The following FIG4 variants were observed in gnomAD, a reference collection of about 807,000 sequenced individuals.
The protein encoded by FIG4 is FIG4 phosphoinositide 5-phosphatase.
A neutral mutation model predicts 118.6 loss-of-function variants in FIG4; 112 were observed. The observed-to-expected ratio is 0.94, with a 90% confidence interval of 0.81 to 1.11. FIG4 has a LOEUF of 1.11. FIG4 is among the 50% of genes least tolerant of loss of function. The pLI is 0.00. For missense variants in FIG4, 969 were observed against 1,111.7 expected (o/e 0.87, Z 1.83); for synonymous variants, 369 against 381.2 (o/e 0.97, Z 0.37).
intron 1 of FIG4, among the ~76,000 whole-genome samples, chr6:109,694,973 A>G (rs555113360): frequency 3.0e-4 from 45 of 152,320 alleles, no homozygotes; most frequent in African/African-American, 1.0e-3. Flanking sequence ...GGGAATTCTT[A>G]TATAGTATTG....
At chr6:109,749,265 T>G (rs1252976205) in intron 10 of FIG4, among the ~76,000 whole-genome samples, 1 of 152,108 alleles carries the variant, frequency 6.6e-6, no homozygotes, top group Non-Finnish European at 1.5e-5. Context: ...TATTAAATAA[T>G]CATTTTTCTA....
chr6:109,763,890 T>C (rs369022117), intron 12 of FIG4, 47 bp from the exon 13 acceptor site: 83 of 1,216,278 alleles, frequency 6.8e-5, no homozygotes, highest in Non-Finnish European at 9.7e-5. Flanking sequence ...AAAATAAATA[T>C]GTATTCTGCC....
intron 1 of FIG4, among the ~76,000 whole-genome samples, chr6:109,693,071 T>C (rs980280782): frequency 6.6e-6 from 1 of 152,154 alleles, no homozygotes; most frequent in Non-Finnish European, 1.5e-5. Flanking sequence ...GCACAATTCA[T>C]ATTATAGGGC....
chr6:109,790,502 A>G (rs1778107378), intron 19 of FIG4, among the ~76,000 whole-genome samples: 1 of 152,238 alleles, frequency 6.6e-6, no homozygotes, highest in Non-Finnish European at 1.5e-5. Context: ...GACCAGCTAT[A>G]TTAGTGTGTG....
At chr6:109,716,593 C>T (rs996266373) in intron 3 of FIG4, 25 bp downstream of exon 3, 9 of 1,612,784 alleles carry the variant, frequency 5.6e-6, no homozygotes, top group Non-Finnish European at 7.6e-6. Context: ...CCCCTTCTTA[C>T]AATCTCTTGT....
At chr6:109,817,215 G>A (rs923347862) in intron 22 of FIG4, among the ~76,000 whole-genome samples, 2 of 151,862 alleles carry the variant, frequency 1.3e-5, no homozygotes, top group Non-Finnish European at 2.9e-5. Flanking sequence ...CTGTGCAGGA[G>A]AACCAGTCCA....
intron 22 of FIG4, among the ~76,000 whole-genome samples, chr6:109,808,654 G>T (rs1042143458): frequency 1.3e-5 from 2 of 151,940 alleles, no homozygotes. Context: ...TTGAAATAAT[G>T]ACAGACAGAC....
intron 1 of FIG4, among the ~76,000 whole-genome samples, chr6:109,713,633 A>G (rs574116218): frequency 6.6e-6 from 1 of 152,260 alleles, no homozygotes; most frequent in East Asian, 1.9e-4. Context: ...GTACATGCGC[A>G]CACGTGCACT....
chr6:109,773,016 A>G (rs188984849), intron 15 of FIG4, among the ~76,000 whole-genome samples: 2 of 152,322 alleles, frequency 1.3e-5, no homozygotes, highest in Admixed American at 6.5e-5. Flanking sequence ...CCATGCAGCT[A>G]TTGGACTGAT....
At chr6:109,762,313 G>T (rs922614246) in intron 12 of FIG4, 106 bp downstream of exon 12, 3 of 738,028 alleles carry the variant, frequency 4.1e-6, no homozygotes, top group Admixed American at 3.8e-5. Context: ...ATTTAGTCCT[G>T]GGGGGAGGCA....
At chr6:109,784,239 T>G (rs1414726639) in intron 16 of FIG4, among the ~76,000 whole-genome samples, 1 of 152,178 alleles carries the variant, frequency 6.6e-6, no homozygotes, top group Non-Finnish European at 1.5e-5. Flanking sequence ...TTCATTAGAA[T>G]TTGATTGAGA....
intron 10 of FIG4, among the ~76,000 whole-genome samples, chr6:109,754,320 T>A (rs1358364158): frequency 1.3e-5 from 2 of 152,196 alleles, no homozygotes; most frequent in East Asian, 3.8e-4. Flanking sequence ...AGCTTTTTGA[T>A]GTGTTGCTGG....
chr6:109,743,319 G>A (rs763536123), intron 9 of FIG4, 47 bp downstream of exon 9: 1 of 1,561,834 alleles, frequency 6.4e-7, no homozygotes, highest in Non-Finnish European at 8.8e-7. Flanking sequence ...CTCACATTTA[G>A]AGATAATGAA....
chr6:109,729,276 C>T (rs1412834088), intron 4 of FIG4, among the ~76,000 whole-genome samples: 1 of 152,116 alleles, frequency 6.6e-6, no homozygotes, highest in African/African-American at 2.4e-5. Context: ...ATTCAATACC[C>T]ATTTGTGATA....
At chr6:109,716,811 C>T (rs980497176) in intron 3 of FIG4, among the ~76,000 whole-genome samples, 1 of 152,088 alleles carries the variant, frequency 6.6e-6, no homozygotes, top group Non-Finnish European at 1.5e-5. Context: ...ATGTTTTTGG[C>T]CTTTGAGGAG....
At chr6:109,752,122 A>G (rs949830435) in intron 10 of FIG4, among the ~76,000 whole-genome samples, 1 of 151,290 alleles carries the variant, frequency 6.6e-6, no homozygotes, top group Non-Finnish European at 1.5e-5. Context: ...GTTTACTGAG[A>G]ATGATGATTT....
intron 10 of FIG4, among the ~76,000 whole-genome samples, chr6:109,746,658 T>C (rs1272460076): frequency 6.6e-6 from 1 of 152,168 alleles, no homozygotes; most frequent in Admixed American, 6.6e-5. Flanking sequence ...TTAATGAGCC[T>C]GGCCTTCTTC....
chr6:109,775,932 A>G (rs1777604468), intron 15 of FIG4, among the ~76,000 whole-genome samples: 1 of 152,240 alleles, frequency 6.6e-6, no homozygotes, highest in South Asian at 2.1e-4. Context: ...TGTTGGAAGA[A>G]AATTGATTTT....
chr6:109,786,152 T>C, intron 17 of FIG4, 150 bp from the exon 18 acceptor site: 1 of 646,126 alleles, frequency 1.5e-6, no homozygotes, highest in Non-Finnish European at 2.7e-6. Flanking sequence ...TCTAACTGTG[T>C]AAGTGTTGGA....
Sources: allele counts gnomAD v4.1 joint callset (sites outside exome capture counted in the v4.1 genomes callset), GRCh38; gene constraint gnomAD v4.1.1; transcripts MANE v1.5; gene names NCBI Gene and HGNC (gene_info 2026-07-23, HGNC 2026-07-21).